NBEAL1: variants seen among roughly 807,000 people sequenced by gnomAD.
NBEAL1 encodes neurobeachin like 1, also known as neurobeachin-like protein 1.
In NBEAL1, 273 loss-of-function variants were observed where a neutral mutation model predicts 351.3. That is an observed-to-expected ratio of 0.78 (90% confidence interval 0.70 to 0.86). NBEAL1 has a LOEUF of 0.86. Among genes scored for constraint, NBEAL1 ranks in the 40% least tolerant of loss-of-function variants. The probability of loss-of-function intolerance (pLI) is 0.00; values close to 1 mark genes in which losing one functional copy is unlikely to be tolerated. For missense variants in NBEAL1, 2,961 were observed against 3,201.3 expected, an observed-to-expected ratio of 0.92 and a Z score of 1.81; for synonymous variants, 1,050 against 1,086.4, an observed-to-expected ratio of 0.97 and a Z score of 0.66.
intron 25 of NBEAL1, 21 bp from the exon 26 acceptor site, chr2:203,131,952 T>A: frequency 3.3e-6 from 5 of 1,495,856 alleles, no homozygotes; most frequent in Non-Finnish European, 4.5e-6. Context: ...ATATTGAGAA[T>A]ATATTACTTG....
At chr2:203,105,892 T>A (rs2062426333) in intron 12 of NBEAL1, among the ~76,000 whole-genome samples, 1 of 152,242 alleles carries the variant, frequency 6.6e-6, no homozygotes. Flanking sequence ...AAAATTAAGC[T>A]TTATATCAGA....
At position 203,183,261 on chromosome 2, in the gene NBEAL1, T is replaced by G; in HGVS notation, c.6596-18T>G. Reference sequence around the variant, plus strand: ...TAATCTAAAATGATTTGATACATTTTCTTTTTACATGTCTTAGAATTTAAC... The same window carrying G: ...TAATCTAAAATGATTTGATACATTTGCTTTTTACATGTCTTAGAATTTAAC... On this transcript the variant is annotated intron_variant, in intron 43 of 55. Transcript: ENST00000683969. 7.5e-7 allele frequency: 1 copy of G among 1,331,974 alleles called. No individual in the cohort carries two copies. The highest frequency in any genetic ancestry group is 1.1e-6 in the Non-Finnish European group (1 of 946,722). The allele number at this position is 1,331,974 out of a possible 1,614,324, so 82.5% of individuals were successfully genotyped here. A position where few individuals can be genotyped will look rare whatever the true frequency, so the allele number is the denominator to read the frequency against.
chr2:203,018,379 G>A (rs778343573), intron 2 of NBEAL1, among the ~76,000 whole-genome samples: 2 of 150,616 alleles, frequency 1.3e-5, no homozygotes, highest in Non-Finnish European at 3.0e-5. Flanking sequence ...AGACCTCTTT[G>A]TGAGCTTGAA....
At chr2:203,089,407 C>T (rs749617587) in intron 10 of NBEAL1, among the ~76,000 whole-genome samples, 8 of 151,036 alleles carry the variant, frequency 5.3e-5, no homozygotes, top group Non-Finnish European at 1.2e-4. Context: ...TTCTGCCTGT[C>T]GCAGAAAAGA....
In NBEAL1 at chr2:203,031,422, A is replaced by T. The variant is rs558848847; in HGVS notation, c.52-10343A>T. 7.9e-5 allele frequency among the ~76,000 whole-genome samples: 12 copies of T among 152,312 alleles called. No individual in the cohort carries two copies. The South Asian group carries it at 2.5e-3, about 32-fold the overall frequency. On this transcript the variant is annotated intron_variant, in intron 2 of 55. Coordinates refer to ENST00000683969, the MANE Select transcript of NBEAL1 (RefSeq NM_001378026.1). The stretch of plus-strand genomic sequence containing the variant: ...TGTATACAATTTCATTTTATTGCCT[A>T]ATCACAGTATAATTTTTTGAAGACA...
chr2:203,092,186 G>A (rs1054479449), intron 10 of NBEAL1, among the ~76,000 whole-genome samples: 21 of 152,214 alleles, frequency 1.4e-4, no homozygotes, highest in Non-Finnish European at 2.5e-4. Context: ...CAGAAATATG[G>A]TTAAGGTTCT....
chr2:203,128,534 A>C (rs2062998902), intron 24 of NBEAL1, among the ~76,000 whole-genome samples: 1 of 151,742 alleles, frequency 6.6e-6, no homozygotes, highest in Non-Finnish European at 1.5e-5. Flanking sequence ...GCCTGTTTTC[A>C]TAGTCTGCGT....
intron 18 of NBEAL1, among the ~76,000 whole-genome samples, chr2:203,116,810 G>T (rs1230614128): frequency 6.7e-6 from 1 of 149,352 alleles, no homozygotes; most frequent in African/African-American, 2.5e-5. Flanking sequence ...AAAAAAAAGG[G>T]GGGGGCCCAG....
At chr2:203,148,100 ACTAAGT>A (rs1053857220) in intron 33 of NBEAL1, among the ~76,000 whole-genome samples, 1 of 151,996 alleles carries the variant, frequency 6.6e-6, no homozygotes, top group African/African-American at 2.4e-5. Flanking sequence ...TTGATTTCCT[ACTAAGT>A]CTAATAATAG....
At chr2:203,110,806 G>T (rs551837421) in intron 15 of NBEAL1, among the ~76,000 whole-genome samples, 1 of 112,038 alleles carries the variant, frequency 8.9e-6, no homozygotes, top group African/African-American at 3.5e-5. Context: ...TTGCTCTGTC[G>T]CCAGTCTGGA....
In NBEAL1 at chr2:203,108,088, C is replaced by G; in HGVS notation, c.1849C>G (p.Pro617Ala). ...GISVPPIQKW[P>A]GSAFSFSAWF... ...TTCTGTGCCTCCCATACAGAAATGG[C>G]CAGGGTCTGCCTTTTCTTTCAGTGC... The change falls in exon 14 of 56, where the codon CCA becomes GCA. Residue 617 changes from proline to alanine, a missense_variant. Coordinates refer to ENST00000683969, the MANE Select transcript of NBEAL1 (RefSeq NM_001378026.1). 6.4e-7 allele frequency: 1 copy of G among 1,552,074 alleles called. No individual in the cohort carries two copies.
At chr2:203,077,231 G>T (rs935779057) in intron 7 of NBEAL1, among the ~76,000 whole-genome samples, 1 of 152,100 alleles carries the variant, frequency 6.6e-6, no homozygotes, top group Admixed American at 6.5e-5. Context: ...TTAGCTGGGC[G>T]TGGTGGCAGG....
chr2:203,110,451 T>A (rs1027248770), intron 15 of NBEAL1, among the ~76,000 whole-genome samples, 169 bp downstream of exon 15: 3 of 152,046 alleles, frequency 2.0e-5, no homozygotes, highest in Admixed American at 1.3e-4. Context: ...AGCAGGCAGA[T>A]AACTTGAGCT....
At chr2:203,058,125 C>T (rs944550957) in intron 6 of NBEAL1, among the ~76,000 whole-genome samples, 3 of 152,050 alleles carry the variant, frequency 2.0e-5, no homozygotes, top group Non-Finnish European at 2.9e-5. Context: ...CCACCGTGCC[C>T]GGCCTTTGTC....
chr2:203,126,847 A>G lies in NBEAL1; in HGVS notation c.3169A>G (p.Ile1057Val), dbSNP rs866070538. Residue 1057 changes from isoleucine to valine, a missense_variant, in exon 23 of 56, where the codon ATC becomes GTC. Transcript: ENST00000683969. ...RIGHIQYLST[I>V]IKDSRRVFRK... ...AGGTCACATACAGTATCTTTCAACC[A>G]TCATTAAAGACAGCAGGAGAGTTTT... The G allele has an allele frequency of 2.1e-5, 32 of 1,552,440 alleles. No homozygotes were observed. Among genetic ancestry groups the G allele is most frequent in the Non-Finnish European group, 2.6e-5 (30 of 1,147,070 alleles).
chr2:203,127,722 A>C, intron 23 of NBEAL1, 59 bp from the exon 24 acceptor site: 1 of 1,174,368 alleles, frequency 8.5e-7, no homozygotes, highest in Non-Finnish European at 1.2e-6. Context: ...ACTCCATCTC[A>C]GAAAAAAGGA....
Position 203,035,833 on chromosome 2 carries a change from G to T in NBEAL1, c.52-5932G>T, listed in dbSNP as rs1408038451. On this transcript the variant is annotated intron_variant, in intron 2 of 55. Coordinates refer to ENST00000683969, the MANE Select transcript of NBEAL1 (RefSeq NM_001378026.1). ...GTAGCATAGAACATTACTGTTTTGT[G>T]GGAGTTTCCTGATTTGGGCACATAG... Among the ~76,000 whole-genome samples the T allele has an allele frequency of 2.0e-5, 3 of 149,156 alleles. 1 individual carries two copies. Among genetic ancestry groups the T allele is most frequent in the Non-Finnish European group, 4.5e-5 (3 of 66,506 alleles).
intron 3 of NBEAL1, among the ~76,000 whole-genome samples, chr2:203,046,377 G>A (rs563990071): frequency 3.9e-5 from 6 of 151,930 alleles, no homozygotes; most frequent in East Asian, 3.9e-4. Context: ...CACCACGCTC[G>A]GCTAATTTTT....
intron 46 of NBEAL1, chr2:203,190,668 A>G (rs1364635033): frequency 1.3e-4 from 40 of 313,518 alleles, no homozygotes; most frequent in Non-Finnish European, 1.8e-4. Context: ...CCAGAGCCCA[A>G]ACCCAGTCTT....
Sources: allele counts gnomAD v4.1 joint callset (sites outside exome capture counted in the v4.1 genomes callset), GRCh38; gene constraint gnomAD v4.1.1; transcripts MANE v1.5; gene names NCBI Gene and HGNC (gene_info 2026-07-23, HGNC 2026-07-21).